PKHD1: variants seen among roughly 807,000 people sequenced by gnomAD.
PKHD1 encodes fibrocystin.
Under a neutral mutation model 412.0 loss-of-function variants are expected in PKHD1, and 291 were observed. That is an observed-to-expected ratio of 0.71 (90% confidence interval 0.64 to 0.78). The LOEUF is 0.78. PKHD1 is among the 30% of genes least tolerant of loss of function. PKHD1 has a pLI of 0.00. For synonymous variants in PKHD1, 1,777 were observed against 1,821.5 expected (o/e 0.98, Z 0.62); for missense variants, 4,825 against 4,950.7 (o/e 0.97, Z 0.76).
intron 60 of PKHD1, among the ~76,000 whole-genome samples, chr6:51,662,965 T>G (rs1773108414): frequency 6.6e-6 from 1 of 152,072 alleles, no homozygotes; most frequent in Non-Finnish European, 1.5e-5. Context: ...TCTCCTTTTT[T>G]TAACCTTCAC....
At chr6:51,975,519 C>T (rs1311735011) in intron 35 of PKHD1, among the ~76,000 whole-genome samples, 3 of 150,448 alleles carry the variant, frequency 2.0e-5, no homozygotes, top group Non-Finnish European at 2.9e-5. Flanking sequence ...AGAAGATATA[C>T]GGATGGCCAA....
At chr6:51,901,006 A>T (rs553483154) in intron 43 of PKHD1, among the ~76,000 whole-genome samples, 8 of 152,150 alleles carry the variant, frequency 5.3e-5, no homozygotes, top group Non-Finnish European at 8.8e-5. Context: ...ATCATTAAAA[A>T]GTCAGGAAAC....
intron 55 of PKHD1, among the ~76,000 whole-genome samples, chr6:51,765,619 C>T (rs1788860900): frequency 6.6e-6 from 1 of 152,098 alleles, no homozygotes; most frequent in Non-Finnish European, 1.5e-5. Context: ...GTACCCTTCA[C>T]ATTTTCTGCC....
intron 5 of PKHD1, among the ~76,000 whole-genome samples, chr6:52,078,940 C>T (rs570526635): frequency 4.6e-5 from 7 of 152,324 alleles, no homozygotes; most frequent in African/African-American, 1.7e-4. Flanking sequence ...CCTGAAACAA[C>T]AGCAAATTCC....
intron 52 of PKHD1, among the ~76,000 whole-genome samples, chr6:51,828,268 T>TA (rs1452853029): frequency 6.6e-6 from 1 of 152,124 alleles, no homozygotes; most frequent in Non-Finnish European, 1.5e-5. Flanking sequence ...CTTCTTTACT[T>TA]ACTGGCTGGG....
At chr6:51,886,986 T>G (rs1009918808) in intron 44 of PKHD1, 147 bp downstream of exon 44, 4 of 693,496 alleles carry the variant, frequency 5.8e-6, no homozygotes, top group African/African-American at 1.8e-5. Flanking sequence ...GTATGTCAAT[T>G]ATACCTCAAA....
chr6:52,067,152 G>A (rs1809856604), intron 11 of PKHD1, among the ~76,000 whole-genome samples: 1 of 152,106 alleles, frequency 6.6e-6, no homozygotes, highest in Admixed American at 6.5e-5. Flanking sequence ...TTGCCCATGA[G>A]ACAAAGCAGA....
rs534642581 is a variant in PKHD1, at chr6:51,791,179, C to G, written c.8440+57G>C. The G allele has an allele frequency of 4.7e-4, 731 of 1,554,016 alleles. 1 individual carries two copies. In the African/African-American group the frequency reaches 8.1e-3, roughly 17 times the overall value. ...TGATGATACCATCTGTTTCCCAGAG[C>G]CCCTTCTCACAGAATATAATTCTCA... On this transcript the variant is annotated intron_variant, in intron 53 of 66. Transcript: ENST00000371117.
At position 51,906,195 on chromosome 6, in the gene PKHD1, A is replaced by G. The variant is rs753720586; in HGVS notation, c.6808+20T>C. 35 of 1,605,788 alleles carry G rather than the reference A, an allele frequency of 2.2e-5. No individual in the cohort carries two copies. Among genetic ancestry groups the G allele is most frequent in the Admixed American group, 3.3e-5 (2 of 59,862 alleles). On this transcript the variant is annotated intron_variant, in intron 41 of 66. Coordinates refer to ENST00000371117, the MANE Select transcript of PKHD1 (RefSeq NM_138694.4). ...GTCCTACACAAGAATGCAGAAATTC[A>G]ACAAGCTTGTTTTACTTACCAACTA...
At chr6:51,744,733 CA>C (rs1278924357) in intron 59 of PKHD1, among the ~76,000 whole-genome samples, 191 bp from the exon 60 acceptor site, 1 of 152,078 alleles carries the variant, frequency 6.6e-6, no homozygotes, top group Non-Finnish European at 1.5e-5. Flanking sequence ...AGAAGAAAGA[CA>C]TTCTTACTAA....
rs1240434826 is a variant in PKHD1 at position 51,746,869 on chromosome 6, C to T, written c.9850G>A (p.Val3284Met). The change falls in exon 59 of 67, where the codon GTG (valine) becomes ATG (methionine). Residue 3284 changes from valine (V) to methionine (M), a missense_variant. Val to Met is a conservative substitution (Grantham distance 21). Coordinates refer to ENST00000371117, the MANE Select transcript of PKHD1 (RefSeq NM_138694.4). ...AGGTCATCGCTATAGCAACTCTTCA[C>T]AAAACTAGAAAAGGTAACATCTGAA... ...KLQDVTFSSF[V>M]KSCYSDDLDV... 1 of 1,605,068 alleles carries T rather than the reference C, an allele frequency of 6.2e-7. No homozygotes were observed. Among genetic ancestry groups the T allele is most frequent in the South Asian group, 1.1e-5 (1 of 90,152 alleles).
At chr6:51,750,781 A>G (rs1320215403) in intron 57 of PKHD1, among the ~76,000 whole-genome samples, 1 of 151,350 alleles carries the variant, frequency 6.6e-6, no homozygotes, top group Non-Finnish European at 1.5e-5. Context: ...ATAAAGAATT[A>G]AGCAATTTTT....
At chr6:51,882,983 G>A in intron 46 of PKHD1, 110 bp downstream of exon 46, 1 of 805,198 alleles carries the variant, frequency 1.2e-6, no homozygotes, top group East Asian at 2.7e-5. Flanking sequence ...TTAAATATGA[G>A]ATTCACTAAA....
chr6:51,962,296 C>T (rs1481917763), intron 35 of PKHD1, among the ~76,000 whole-genome samples: 1 of 152,084 alleles, frequency 6.6e-6, no homozygotes, highest in East Asian at 1.9e-4. Context: ...TGATCGGGAA[C>T]AACTAGACAT....
At chr6:52,076,475 C>A in intron 5 of PKHD1, 142 bp from the exon 6 acceptor site, 1 of 697,564 alleles carries the variant, frequency 1.4e-6, no homozygotes, top group Non-Finnish European at 2.6e-6. Flanking sequence ...CTGTCTAGTT[C>A]TTTTTATCTT....
intron 54 of PKHD1, among the ~76,000 whole-genome samples, chr6:51,774,012 C>T (rs1790590026): frequency 6.6e-6 from 1 of 151,708 alleles, no homozygotes; most frequent in Admixed American, 6.6e-5. Context: ...AACCAAAATC[C>T]ATCTTTTTTC....
chr6:52,060,333 A>G (rs978532354), intron 14 of PKHD1, among the ~76,000 whole-genome samples: 9 of 152,194 alleles, frequency 5.9e-5, no homozygotes, highest in Admixed American at 3.3e-4. Flanking sequence ...AAAACCACCT[A>G]ACACAGCTAT....
rs886043567 is a variant in PKHD1, at chr6:51,748,225, G to A, written c.9391C>T (p.His3131Tyr). The change falls in exon 58 of 67, where the codon CAT becomes TAT. Residue 3131 changes from histidine to tyrosine, a missense_variant. His to Tyr is a moderately conservative substitution (Grantham distance 83). Transcript: ENST00000371117. ...TCAAGTCCACTTTCCTTATAGAGAT[G>A]AAGGCCATGAAGACTTGAATGCGCC... ...NVAHSSLHGLHLYKESGLDNC... is the reference protein window; with the variant it reads ...NVAHSSLHGLYLYKESGLDNC... 10 of 1,614,000 alleles carry A rather than the reference G, an allele frequency of 6.2e-6. No individual in the cohort carries two copies. Among genetic ancestry groups the A allele is most frequent in the South Asian group, 3.3e-5 (3 of 91,080 alleles).
At chr6:51,852,117 T>C (rs113369127) in intron 49 of PKHD1, among the ~76,000 whole-genome samples, 24 of 152,180 alleles carry the variant, frequency 1.6e-4, no homozygotes, top group African/African-American at 5.8e-4. Context: ...TTTGTTCTGA[T>C]TGGTTTCAAA....
Sources: allele counts gnomAD v4.1 joint callset (sites outside exome capture counted in the v4.1 genomes callset), GRCh38; gene constraint gnomAD v4.1.1; transcripts MANE v1.5; gene names NCBI Gene and HGNC (gene_info 2026-07-23, HGNC 2026-07-21).